Variants in ITGA9 observed in about 807,000 individuals in gnomAD.
ITGA9 encodes the protein integrin subunit alpha 9, also known as integrin alpha-9.
ITGA9 carries 56 observed loss-of-function variants against 127.8 expected under a neutral mutation model. That is an observed-to-expected ratio of 0.44 (90% CI 0.35 to 0.55). The LOEUF (loss-of-function observed/expected upper bound fraction) is 0.55, where lower values mean the gene tolerates loss of function less well. Ranked by LOEUF, ITGA9 falls within the 20% of genes least tolerant of loss-of-function variation. The pLI is 0.00. For synonymous variants in ITGA9, 508 were observed against 514.5 expected, an observed-to-expected ratio of 0.99 and a Z score of 0.17; for missense variants, 1,196 against 1,347.1, an observed-to-expected ratio of 0.89 and a Z score of 1.76.
chr3:37,549,854 T>A (rs1469347384), intron 15 of ITGA9, among the ~76,000 whole-genome samples: 1 of 152,196 alleles, frequency 6.6e-6, no homozygotes, highest in Non-Finnish European at 1.5e-5. Flanking sequence ...TCCTCTCTAG[T>A]AGATAATAGT....
intron 15 of ITGA9, among the ~76,000 whole-genome samples, chr3:37,577,129 G>A (rs1400641308): frequency 5.3e-5 from 8 of 152,174 alleles, no homozygotes; most frequent in Non-Finnish European, 1.0e-4. Flanking sequence ...GAAAGATGAG[G>A]GCCACATCCA....
chr3:37,735,326 C>T (rs1696346762), intron 19 of ITGA9, among the ~76,000 whole-genome samples: 1 of 152,156 alleles, frequency 6.6e-6, no homozygotes, highest in Non-Finnish European at 1.5e-5. Context: ...GTCTCCATGC[C>T]TGCCCCCCAC....
chr3:37,706,468 A>G (rs1701006882), intron 18 of ITGA9, among the ~76,000 whole-genome samples: 1 of 152,196 alleles, frequency 6.6e-6, no homozygotes, highest in Non-Finnish European at 1.5e-5. Flanking sequence ...GTAAGAAAGA[A>G]GGAAGAAAAG....
chr3:37,596,286 G>A (rs1381461972), intron 15 of ITGA9, among the ~76,000 whole-genome samples: 1 of 152,202 alleles, frequency 6.6e-6, no homozygotes, highest in East Asian at 1.9e-4. Context: ...CTACAACTCA[G>A]TTTTGGACCC....
At chr3:37,673,665 C>T (rs965947470) in intron 17 of ITGA9, among the ~76,000 whole-genome samples, 1 of 152,174 alleles carries the variant, frequency 6.6e-6, no homozygotes, top group Non-Finnish European at 1.5e-5. Context: ...TCTTTTCACA[C>T]CTTTGTACCT....
At chr3:37,667,562 T>A (rs1344617959) in intron 17 of ITGA9, among the ~76,000 whole-genome samples, 1 of 152,166 alleles carries the variant, frequency 6.6e-6, no homozygotes, top group African/African-American at 2.4e-5. Context: ...CAGAACTCTG[T>A]GTTTCTTAGG....
At chr3:37,805,550 A>C (rs774699734) in intron 27 of ITGA9, among the ~76,000 whole-genome samples, 38 of 152,210 alleles carry the variant, frequency 2.5e-4, no homozygotes, top group Non-Finnish European at 2.6e-4. Flanking sequence ...GCCACATTAA[A>C]TATCCCTGGA....
chr3:37,686,828 C>T (rs1700786712), intron 18 of ITGA9, among the ~76,000 whole-genome samples: 1 of 152,058 alleles, frequency 6.6e-6, no homozygotes. Context: ...CAGAAACTAC[C>T]CTTCCAGGAC....
chr3:37,602,064 A>G (rs1288647292), intron 15 of ITGA9, among the ~76,000 whole-genome samples: 1 of 152,088 alleles, frequency 6.6e-6, no homozygotes, highest in Non-Finnish European at 1.5e-5. Context: ...GAATGGCACC[A>G]AGCCATTCAC....
chr3:37,811,071 C>T (rs1332595202), intron 27 of ITGA9, among the ~76,000 whole-genome samples: 2 of 152,178 alleles, frequency 1.3e-5, no homozygotes, highest in African/African-American at 4.8e-5. Flanking sequence ...ACAATGAGGG[C>T]CCCAAGCTAA....
intron 1 of ITGA9, among the ~76,000 whole-genome samples, chr3:37,458,041 G>A (rs2125546084): frequency 6.6e-6 from 1 of 152,312 alleles, no homozygotes; most frequent in Non-Finnish European, 1.5e-5. Flanking sequence ...AAGCAGCCAT[G>A]GTGTTCTCTG....
chr3:37,595,381 G>A (rs1699859710), intron 15 of ITGA9, among the ~76,000 whole-genome samples: 2 of 152,186 alleles, frequency 1.3e-5, no homozygotes, highest in African/African-American at 4.8e-5. Flanking sequence ...AGGGGATTCC[G>A]GTGGCCAGGG....
chr3:37,493,236 T>C (rs1368565164), intron 4 of ITGA9, among the ~76,000 whole-genome samples: 1 of 152,234 alleles, frequency 6.6e-6, no homozygotes, highest in African/African-American at 2.4e-5. Flanking sequence ...GGGCCCTTTT[T>C]CCCCTTGCCT....
intron 15 of ITGA9, among the ~76,000 whole-genome samples, chr3:37,583,986 A>C (rs1027535684): frequency 1.2e-4 from 18 of 152,202 alleles, no homozygotes; most frequent in Middle Eastern, 3.2e-3. Flanking sequence ...CTTTCCCTTG[A>C]ATCTAGATAA....
intron 17 of ITGA9, among the ~76,000 whole-genome samples, chr3:37,669,365 G>A (rs889083492): frequency 1.3e-5 from 2 of 152,186 alleles, no homozygotes; most frequent in Non-Finnish European, 2.9e-5. Context: ...TCCCCTTGGT[G>A]TCTGGTTGAG....
At chr3:37,623,673 ATGTGTGTGTGTGTGTGTCTGTGTGTGTG>A (rs1700148248) in intron 15 of ITGA9, among the ~76,000 whole-genome samples, 2 of 118,170 alleles carry the variant, frequency 1.7e-5, no homozygotes, top group Admixed American at 9.7e-5. Context: ...GTGTGTGTGT[ATGTGTGTGTGTGTGTGTCTGTGTGTGTG>A]TGTGTGTGTG....
chr3:37,538,940 G>A (rs1699239764), intron 14 of ITGA9, among the ~76,000 whole-genome samples: 2 of 152,216 alleles, frequency 1.3e-5, no homozygotes, highest in South Asian at 4.1e-4. Context: ...TGGATAATGC[G>A]GTATGTCTGT....
chr3:37,728,524 G>C (rs1358040467), intron 18 of ITGA9, among the ~76,000 whole-genome samples: 3 of 152,204 alleles, frequency 2.0e-5, no homozygotes, highest in Non-Finnish European at 4.4e-5. Context: ...TATGCCCTGG[G>C]CATGATCTGA....
intron 1 of ITGA9, among the ~76,000 whole-genome samples, chr3:37,458,293 C>T (rs1164209498): frequency 2.6e-5 from 4 of 152,182 alleles, no homozygotes; most frequent in African/African-American, 7.2e-5. Flanking sequence ...GGGCTTGTGT[C>T]AGTTTGCATC....
Sources: allele counts gnomAD v4.1 joint callset (sites outside exome capture counted in the v4.1 genomes callset), GRCh38; gene constraint gnomAD v4.1.1; transcripts MANE v1.5; gene names NCBI Gene and HGNC (gene_info 2026-07-23, HGNC 2026-07-21).